Variants in SAMD8 observed in about 807,000 individuals in gnomAD.
The protein encoded by SAMD8 is sphingomyelin synthase-related protein 1.
Under a neutral mutation model 42.0 loss-of-function variants are expected in SAMD8, and 20 were observed. The observed-to-expected ratio is 0.48, with a 90% CI of 0.34 to 0.69. The LOEUF (loss-of-function observed/expected upper bound fraction) is 0.69. Ranked by LOEUF, SAMD8 falls within the 30% of genes least tolerant of loss-of-function variation. The pLI, the probability that SAMD8 is intolerant of heterozygous loss-of-function variation, is 0.01. For synonymous variants in SAMD8, 162 were observed against 173.0 expected (o/e 0.94, Z 0.50); for missense variants, 328 against 511.6 (o/e 0.64, Z 3.46).
At chr10:75,100,774 T>C (rs1848111653) in intron 1 of SAMD8, among the ~76,000 whole-genome samples, 1 of 152,252 alleles carries the variant, frequency 6.6e-6, no homozygotes, top group Non-Finnish European at 1.5e-5. Context: ...ATGCACTTCT[T>C]TTCTGTGTTT....
intron 1 of SAMD8, among the ~76,000 whole-genome samples, chr10:75,144,435 C>T (rs1272133607): frequency 1.3e-5 from 2 of 149,784 alleles, no homozygotes; most frequent in Middle Eastern, 3.4e-3. Context: ...AGCCACCATT[C>T]TACTTTCTGT....
rs934606969 is a variant in SAMD8, at chr10:75,103,774, C to G, written c.-16+4046C>G. The G allele has an allele frequency of 8.7e-6, 7 of 801,074 alleles. No homozygotes were observed. In the Admixed American group the frequency reaches 2.1e-4, roughly 24 times the overall value. 49.6% of individuals were successfully genotyped at this position (801,074 alleles called of 1,614,324 possible). A position where few individuals can be genotyped will look rare whatever the true frequency, so the allele number is the denominator to read the frequency against. The stretch of plus-strand genomic sequence containing the variant: ...AGCTGCTGGAGACAGCTGTGGCCAA[C>G]AGCTATCACAAATATCTGGAACCCC... On this transcript the variant is annotated intron_variant, in intron 1 of 3. Transcript: ENST00000447533.
intron 2 of SAMD8, among the ~76,000 whole-genome samples, chr10:75,159,739 T>C (rs1484807209): frequency 6.6e-6 from 1 of 152,214 alleles, no homozygotes; most frequent in African/African-American, 2.4e-5. Flanking sequence ...CCCATAAGCC[T>C]GAGCGAAAGT....
chr10:75,103,939 G>C (rs1049233596), intron 1 of SAMD8: 10 of 1,320,616 alleles, frequency 7.6e-6, no homozygotes, highest in Admixed American at 4.4e-5. Context: ...TAGGCGCCAG[G>C]AGGAGCCAGA....
At chr10:75,151,821 G>A (rs1840294851) in intron 2 of SAMD8, among the ~76,000 whole-genome samples, 1 of 152,106 alleles carries the variant, frequency 6.6e-6, no homozygotes, top group Non-Finnish European at 1.5e-5. Context: ...TGAGTAGCTG[G>A]GATTACAGGA....
intron 1 of SAMD8, among the ~76,000 whole-genome samples, chr10:75,136,776 GTTTC>G (rs2134454206): frequency 6.6e-6 from 1 of 152,260 alleles, no homozygotes; most frequent in African/African-American, 2.4e-5. Flanking sequence ...TTGAGTAGGT[GTTTC>G]TCCAAGCAAA....
At chr10:75,126,667 A>T (rs192228211) in intron 1 of SAMD8, among the ~76,000 whole-genome samples, 274 of 143,506 alleles carry the variant, frequency 1.9e-3, no homozygotes, top group Non-Finnish European at 3.4e-3. Flanking sequence ...ACGCTGGCTA[A>T]TTTTTTTTTT....
intron 1 of SAMD8, among the ~76,000 whole-genome samples, chr10:75,138,094 T>G (rs1409618211): frequency 6.6e-6 from 1 of 152,136 alleles, no homozygotes; most frequent in Admixed American, 6.6e-5. Flanking sequence ...CTGTTTTCCA[T>G]ATCTCATGAG....
chr10:75,169,821 G>C (rs1022220062), intron 4 of SAMD8, among the ~76,000 whole-genome samples: 1 of 151,758 alleles, frequency 6.6e-6, no homozygotes, highest in Non-Finnish European at 1.5e-5. Context: ...AGGCATGAGA[G>C]TCACTTGAAC....
intron 1 of SAMD8, among the ~76,000 whole-genome samples, chr10:75,144,777 C>A (rs1840096608): frequency 6.6e-6 from 1 of 152,042 alleles, no homozygotes; most frequent in Non-Finnish European, 1.5e-5. Flanking sequence ...CTTGCCTGAG[C>A]CTCTGAGTAG....
At chr10:75,126,695 C>T (rs990585104) in intron 1 of SAMD8, among the ~76,000 whole-genome samples, 4 of 149,944 alleles carry the variant, frequency 2.7e-5, no homozygotes, top group African/African-American at 9.8e-5. Flanking sequence ...GGGATGAGGT[C>T]TCCCTATGTT....
At chr10:75,104,728 C>T (rs1361045545) in intron 1 of SAMD8, among the ~76,000 whole-genome samples, 1 of 152,172 alleles carries the variant, frequency 6.6e-6, no homozygotes, top group African/African-American at 2.4e-5. Context: ...TTTCTTATCA[C>T]AGTCACCCCC....
At chr10:75,106,101 C>CT (rs767630456) in intron 1 of SAMD8, among the ~76,000 whole-genome samples, 2,196 of 122,974 alleles carry the variant, frequency 0.018, 14 homozygotes, top group Non-Finnish European at 0.023. Context: ...TCTTTCTTTT[C>CT]TTTTTTTTTT....
intron 1 of SAMD8, among the ~76,000 whole-genome samples, chr10:75,128,073 A>ATTTTTT (rs11353511): frequency 8.4e-6 from 1 of 119,260 alleles, no homozygotes. Flanking sequence ...TTCTTCTTTA[A>ATTTTTT]TTTTTTTTTT....
At chr10:75,110,784 T>C (rs1281219234), upstream of SAMD8, among the ~76,000 whole-genome samples, 4 of 152,196 alleles carry the variant, frequency 2.6e-5, no homozygotes. Flanking sequence ...TCTTTACTTT[T>C]CTGTGCTATA....
chr10:75,123,842 A>C (rs1465853684), intron 1 of SAMD8, among the ~76,000 whole-genome samples: 1 of 151,298 alleles, frequency 6.6e-6, no homozygotes, highest in East Asian at 2.0e-4. Flanking sequence ...CAGAGTAGCT[A>C]CTCAGCCTCA....
intron 2 of SAMD8, among the ~76,000 whole-genome samples, chr10:75,164,138 G>A (rs1209468299): frequency 6.6e-6 from 1 of 152,154 alleles, no homozygotes; most frequent in Non-Finnish European, 1.5e-5. Flanking sequence ...GATCACTTGA[G>A]CCCTGGGCTG....
At chr10:75,108,403 G>T, upstream of SAMD8, 1 of 1,023,938 alleles carries the variant, frequency 9.8e-7, no homozygotes, top group Non-Finnish European at 1.4e-6. Context: ...TGAGCCGGCG[G>T]TGTGTGTGTC....
At chr10:75,108,296 C>T (rs767836238), upstream of SAMD8, 14 of 1,498,002 alleles carry the variant, frequency 9.3e-6, no homozygotes, top group Middle Eastern at 5.0e-4. Context: ...GCAGAGGGAC[C>T]GAGCCATTAG....
Sources: allele counts gnomAD v4.1 joint callset (sites outside exome capture counted in the v4.1 genomes callset), GRCh38; gene constraint gnomAD v4.1.1; transcripts MANE v1.5; gene names NCBI Gene and HGNC (gene_info 2026-07-23, HGNC 2026-07-21).